Variants in ZC3H18 observed in about 807,000 individuals in gnomAD.
ZC3H18 encodes zinc finger CCCH-type containing 18, also known as zinc finger CCCH domain-containing protein 18.
In ZC3H18, 8 loss-of-function variants were observed where a neutral mutation model predicts 106.1. That is an observed-to-expected ratio of 0.08 (90% CI 0.04 to 0.14). The LOEUF (loss-of-function observed/expected upper bound fraction) is 0.14. Ranked by LOEUF, ZC3H18 falls within the 10% of genes least tolerant of loss-of-function variation. The pLI, the probability that ZC3H18 is intolerant of heterozygous loss-of-function variation, is 1.00. For synonymous variants in ZC3H18, 635 were observed against 522.1 expected (o/e 1.22, Z -2.95); for missense variants, 1,318 against 1,278.4 (o/e 1.03, Z -0.47).
chr16:88,611,502 G>T lies in ZC3H18; in HGVS notation c.1441G>T (p.Gly481Trp). Reference protein sequence around the residue: ...DREKEREKEKGKPKPRSPQPP... With the variant: ...DREKEREKEKWKPKPRSPQPP... ...GGAGAAGGAGCGGGAGAAGGAGAAG[G>T]GGAAGCCCAAGCCCCGCTCCCCGCA... The change falls in exon 8 of 18, where the codon GGG (glycine) becomes TGG (tryptophan). Residue 481 changes from glycine (G) to tryptophan (W), a missense_variant. Gly to Trp is a radical substitution (Grantham distance 184). This residue lies in a region of ZC3H18 where 848 missense variants were observed against 821.7 expected (regional missense o/e 1.03). Transcript: ENST00000301011. The T allele has an allele frequency of 6.4e-7, 1 of 1,550,552 alleles. No individual in the cohort carries two copies. Among genetic ancestry groups the T allele is most frequent in the Non-Finnish European group, 8.7e-7 (1 of 1,146,710 alleles).
intron 13 of ZC3H18, chr16:88,626,292 C>T (rs1220742462): frequency 3.3e-5 from 5 of 152,060 alleles, no homozygotes; most frequent in African/African-American, 1.2e-4. Context: ...TGGTGTGTGC[C>T]TATGATCCCA....
intron 8 of ZC3H18, among the ~76,000 whole-genome samples, chr16:88,613,066 G>T (rs1380104794): frequency 6.6e-6 from 1 of 152,212 alleles, no homozygotes; most frequent in Non-Finnish European, 1.5e-5. Flanking sequence ...ACACTTCCCA[G>T]TCTCTTAGCA....
chr16:88,586,455 C>A, intron 2 of ZC3H18, 145 bp from the exon 3 acceptor site: 1 of 696,102 alleles, frequency 1.4e-6, no homozygotes. Context: ...AGATCTGGGA[C>A]CTAAGATTTG....
chr16:88,604,905 A>G (rs1904936639), intron 6 of ZC3H18, among the ~76,000 whole-genome samples: 1 of 152,238 alleles, frequency 6.6e-6, no homozygotes, highest in Non-Finnish European at 1.5e-5. Context: ...GGCCAGGGCC[A>G]TGGACTGGGC....
In ZC3H18 at chr16:88,624,363, C is replaced by G. The variant is rs772088707; in HGVS notation, c.1899-239C>G. ...TTAGCCTGCTCTCCCCACTGCCTGGCGGTGCCTGTAGCTCTTGCCTGTTAG... is the reference window on the plus strand; with the variant it reads ...TTAGCCTGCTCTCCCCACTGCCTGGGGGTGCCTGTAGCTCTTGCCTGTTAG... On this transcript the variant is annotated intron_variant, in intron 11 of 17. Transcript: ENST00000301011. The G allele has an allele frequency of 5.8e-6, 4 of 684,072 alleles. No individual in the cohort carries two copies. In the African/African-American group the frequency reaches 7.2e-5, roughly 12 times the overall value. The allele number at this position is 684,072 out of a possible 1,614,324, so 42.4% of individuals were successfully genotyped here.
At chr16:88,621,906 G>T (rs1323065075) in intron 8 of ZC3H18, among the ~76,000 whole-genome samples, 4 of 152,202 alleles carry the variant, frequency 2.6e-5, no homozygotes, top group African/African-American at 9.7e-5. Context: ...TGGAAAGATG[G>T]AAATTAAGTA....
intron 3 of ZC3H18, among the ~76,000 whole-genome samples, chr16:88,591,214 CCCTCCTCGG>C (rs1209820393): frequency 6.6e-6 from 1 of 152,018 alleles, no homozygotes; most frequent in Non-Finnish European, 1.5e-5. Context: ...TCGTGATCTG[CCCTCCTCGG>C]CCTCCCAAAG....
Position 88,599,669 on chromosome 16 carries a change from C to T in ZC3H18, c.931-122C>T, listed in dbSNP as rs1049026504. 4.4e-5 allele frequency: 52 copies of T among 1,192,708 alleles called. No homozygotes were observed. The Admixed American group carries it at 1.2e-3, about 27-fold the overall frequency. 73.9% of individuals were successfully genotyped at this position (1,192,708 alleles called of 1,614,324 possible). On this transcript the variant is annotated intron_variant, in intron 5 of 17. Transcript: ENST00000301011. ...CCGCCCCTCACCCCTTGAGCACTTG[C>T]AGCGTGCAGCTCCTGCTCCTGCAGG... is the stretch of plus-strand genomic sequence containing the variant.
rs1029554987 is a variant in ZC3H18, at chr16:88,631,357, G to A, written c.*58G>A. 4.5e-6 allele frequency: 7 copies of A among 1,544,956 alleles called. No homozygotes were observed. In the African/African-American group the frequency reaches 9.6e-5, roughly 21 times the overall value. On this transcript the variant is annotated 3_prime_UTR_variant, in exon 18 of 18. Coordinates refer to ENST00000301011, the MANE Select transcript of ZC3H18 (RefSeq NM_144604.4). Reference sequence around the variant, plus strand: ...TACATAGGGTAAGCGCAGCCATTTTGGATTTTGCAGTTAATGTCTTATTTT... The same window carrying A: ...TACATAGGGTAAGCGCAGCCATTTTAGATTTTGCAGTTAATGTCTTATTTT...
In ZC3H18 at chr16:88,599,999, G is replaced by A. The variant is rs545844930; in HGVS notation, c.1088+51G>A. ...CCGTTTCCTTCCTGCATGCGGCCAC[G>A]CTCCGGAGAGAGCAGCCATGTGCAG... On this transcript the variant is annotated intron_variant, in intron 6 of 17. Coordinates refer to ENST00000301011, the MANE Select transcript of ZC3H18 (RefSeq NM_144604.4). 1.5e-4 allele frequency: 238 copies of A among 1,599,440 alleles called. No homozygotes were observed. In the East Asian group the frequency reaches 1.8e-3, roughly 12 times the overall value.
At chr16:88,622,159 A>G in intron 8 of ZC3H18, 38 bp from the exon 9 acceptor site, 1 of 1,584,006 alleles carries the variant, frequency 6.3e-7, no homozygotes, top group East Asian at 2.3e-5. Context: ...GTGAAGCGGA[A>G]GGTGGCCTGA....
At chr16:88,604,378 A>C (rs1007704022) in intron 6 of ZC3H18, among the ~76,000 whole-genome samples, 12 of 146,222 alleles carry the variant, frequency 8.2e-5, no homozygotes, top group African/African-American at 3.0e-4. Flanking sequence ...GTTCTCACAT[A>C]TGTAAGACAT....
chr16:88,587,581 C>T (rs1915509717), intron 3 of ZC3H18: 2 of 1,536,108 alleles, frequency 1.3e-6, no homozygotes, highest in African/African-American at 2.7e-5. Flanking sequence ...CCACCAATAT[C>T]CAATTCCATA....
chr16:88,574,920 C>G (rs1469661788), intron 1 of ZC3H18, among the ~76,000 whole-genome samples: 1 of 151,300 alleles, frequency 6.6e-6, no homozygotes, highest in East Asian at 1.9e-4. Flanking sequence ...AGCCCCGCCC[C>G]CTGGGTTCAC....
chr16:88,575,462 C>G (rs114711063), intron 1 of ZC3H18, among the ~76,000 whole-genome samples: 1 of 152,036 alleles, frequency 6.6e-6, no homozygotes, highest in Non-Finnish European at 1.5e-5. Context: ...TGACCTGGCA[C>G]TGTCCCTGCT....
chr16:88,611,104 TTCAA>T (rs1360437133), intron 7 of ZC3H18, among the ~76,000 whole-genome samples, 160 bp from the exon 8 acceptor site: 2 of 151,948 alleles, frequency 1.3e-5, no homozygotes, highest in African/African-American at 2.4e-5. Context: ...CCGCAGAGAG[TTCAA>T]TCATAGTCGG....
intron 16 of ZC3H18, 22 bp from the exon 17 acceptor site, chr16:88,630,463 T>A (rs753382945): frequency 6.2e-7 from 1 of 1,604,532 alleles, no homozygotes; most frequent in Non-Finnish European, 8.5e-7. Flanking sequence ...GAGGGTGGTC[T>A]CACTCTGTAC....
At chr16:88,616,752 GAC>G (rs1017206081) in intron 8 of ZC3H18, among the ~76,000 whole-genome samples, 9 of 152,134 alleles carry the variant, frequency 5.9e-5, no homozygotes, top group African/African-American at 1.4e-4. Context: ...GGAAGAAAAT[GAC>G]ACAGTTTTAC....
intron 6 of ZC3H18, among the ~76,000 whole-genome samples, chr16:88,600,774 G>C (rs1380017837): frequency 6.6e-6 from 1 of 152,216 alleles, no homozygotes; most frequent in Admixed American, 6.5e-5. Flanking sequence ...TCGAAGGGTG[G>C]AAGTCAGATC....
Sources: allele counts gnomAD v4.1 joint callset (sites outside exome capture counted in the v4.1 genomes callset), GRCh38; gene constraint gnomAD v4.1.1; regional missense constraint gnomAD v4.1.1; transcripts MANE v1.5; gene names NCBI Gene and HGNC (gene_info 2026-07-23, HGNC 2026-07-21).